The following CCDC171 variants were observed in gnomAD, a reference collection of about 807,000 sequenced individuals.
CCDC171 encodes the protein coiled-coil domain containing 171, also known as coiled-coil domain-containing protein 171.
CCDC171 carries 177 observed loss-of-function variants against 168.2 expected under a neutral mutation model. The observed-to-expected ratio is 1.05, with a 90% CI of 0.93 to 1.19. The LOEUF (loss-of-function observed/expected upper bound fraction) is 1.19, where lower values mean the gene tolerates loss of function less well. Among genes scored for constraint, CCDC171 ranks in the 50% most tolerant of loss-of-function variants. CCDC171 has a pLI of 0.00. For synonymous variants in CCDC171, 687 were observed against 540.8 expected (o/e 1.27, Z -3.75); for missense variants, 1,991 against 1,539.0 (o/e 1.29, Z -4.91).
chr9:16,102,386 G>A, the CCDC171 span, among the ~76,000 whole-genome samples: 1 of 151,488 alleles, frequency 6.6e-6, no homozygotes, highest in Non-Finnish European at 1.5e-5. Context: ...TCAGACGGAT[G>A]TAGTTGCTGG....
intron 25 of CCDC171, among the ~76,000 whole-genome samples, chr9:15,957,602 A>G (rs902238049): frequency 1.3e-5 from 2 of 152,206 alleles, no homozygotes; most frequent in African/African-American, 4.8e-5. Context: ...CCAAGCAGAT[A>G]GACATTCAAC....
chr9:15,789,521 G>A (rs1258763737), intron 21 of CCDC171, among the ~76,000 whole-genome samples: 1 of 152,164 alleles, frequency 6.6e-6, no homozygotes, highest in Non-Finnish European at 1.5e-5. Flanking sequence ...CTGGAAAAAG[G>A]CTTGCCTAAT....
chr9:15,607,173 A>G (rs1257750837), intron 6 of CCDC171, among the ~76,000 whole-genome samples: 1 of 152,168 alleles, frequency 6.6e-6, no homozygotes, highest in Non-Finnish European at 1.5e-5. Context: ...TGCCCAATAT[A>G]ACCCAGCAAT....
rs574683985 is a variant in CCDC171 at position 15,599,555 on chromosome 9, A to G, written c.675+5383A>G. ...ATGGGCTTCCATTTGTGGGTCACCCAACCTTTCTGTCTGGCTGCCCTTAAC... is the reference window on the plus strand; with the variant it reads ...ATGGGCTTCCATTTGTGGGTCACCCGACCTTTCTGTCTGGCTGCCCTTAAC... On this transcript the variant is annotated intron_variant, in intron 6 of 25. Transcript: ENST00000380701. 9.1e-4 allele frequency among the ~76,000 whole-genome samples: 139 copies of G among 152,244 alleles called. 1 individual carries two copies. The highest frequency in any genetic ancestry group is 3.0e-3 in the African/African-American group (125 of 41,552).
intron 11 of CCDC171, among the ~76,000 whole-genome samples, chr9:15,705,687 C>T (rs1588066003): frequency 6.6e-6 from 1 of 152,170 alleles, no homozygotes. Flanking sequence ...CTTTTTTCCC[C>T]CATAGCACCT....
chr9:16,100,199 C>A, the CCDC171 span, among the ~76,000 whole-genome samples: 9 of 152,112 alleles, frequency 5.9e-5, no homozygotes, highest in African/African-American at 1.9e-4. Context: ...TCTTATTGAA[C>A]TAAATTGATT....
chr9:15,563,430 A>T (rs1241505591), intron 1 of CCDC171, among the ~76,000 whole-genome samples: 1 of 151,890 alleles, frequency 6.6e-6, no homozygotes, highest in East Asian at 1.9e-4. Flanking sequence ...GAGCCACCGC[A>T]CCCGGCTCAA....
At chr9:16,096,460 G>A in the CCDC171 span, among the ~76,000 whole-genome samples, 1 of 152,154 alleles carries the variant, frequency 6.6e-6, no homozygotes, top group Non-Finnish European at 1.5e-5. Flanking sequence ...TGACTGCTAT[G>A]TTCGTGAGTT....
chr9:15,652,341 A>C (rs1028768695), intron 7 of CCDC171, among the ~76,000 whole-genome samples: 3 of 152,184 alleles, frequency 2.0e-5, no homozygotes, highest in Admixed American at 6.5e-5. Flanking sequence ...AAATAAATTG[A>C]CCACCCATTC....
intron 18 of CCDC171, among the ~76,000 whole-genome samples, chr9:15,768,970 C>T (rs1473291831): frequency 1.3e-5 from 2 of 152,184 alleles, no homozygotes; most frequent in Middle Eastern, 6.3e-3. Flanking sequence ...TCTGTTTGTA[C>T]AGTCTCACCT....
chr9:15,786,631 C>T (rs2057971892), intron 21 of CCDC171, among the ~76,000 whole-genome samples: 1 of 152,106 alleles, frequency 6.6e-6, no homozygotes, highest in South Asian at 2.1e-4. Flanking sequence ...ACATCTGTGA[C>T]CTGCACATAT....
intron 11 of CCDC171, among the ~76,000 whole-genome samples, chr9:15,703,203 G>T (rs2051912309): frequency 6.6e-6 from 1 of 152,182 alleles, no homozygotes; most frequent in Non-Finnish European, 1.5e-5. Flanking sequence ...ACCACGCCCG[G>T]CCGGGCCTTG....
chr9:15,581,738 C>T (rs1358466112), intron 4 of CCDC171, among the ~76,000 whole-genome samples: 1 of 152,038 alleles, frequency 6.6e-6, no homozygotes, highest in African/African-American at 2.4e-5. Flanking sequence ...ATGCAGAAAG[C>T]TGAAACTGGA....
chr9:15,925,664 A>G (rs994016740), intron 25 of CCDC171, among the ~76,000 whole-genome samples: 5 of 151,640 alleles, frequency 3.3e-5, no homozygotes, highest in South Asian at 2.1e-4. Context: ...AAATGGATCA[A>G]TGGTCTCATT....
chr9:15,977,323 G>A (rs561607765), downstream of CCDC171, among the ~76,000 whole-genome samples: 27 of 152,244 alleles, frequency 1.8e-4, 1 homozygote, highest in South Asian at 5.2e-3. Context: ...CATTTCCATG[G>A]ACGTTGCGAT....
chr9:15,894,384 C>G (rs1820622612), intron 24 of CCDC171, among the ~76,000 whole-genome samples: 1 of 152,048 alleles, frequency 6.6e-6, no homozygotes, highest in Non-Finnish European at 1.5e-5. Context: ...CACACGTTTA[C>G]CTGTGTAACA....
At chr9:15,702,896 G>C (rs1385344315) in intron 11 of CCDC171, among the ~76,000 whole-genome samples, 1 of 137,350 alleles carries the variant, frequency 7.3e-6, no homozygotes, top group African/African-American at 2.6e-5. Context: ...GAGAGTTAGG[G>C]CCTTGGTTTT....
chr9:15,643,010 T>G (rs913398955), intron 7 of CCDC171, among the ~76,000 whole-genome samples: 5 of 152,122 alleles, frequency 3.3e-5, no homozygotes, highest in African/African-American at 1.2e-4. Context: ...TGAGAAAATA[T>G]TTTAAAATTG....
At chr9:15,867,917 C>T (rs539634896) in intron 23 of CCDC171, among the ~76,000 whole-genome samples, 103 of 151,940 alleles carry the variant, frequency 6.8e-4, no homozygotes, top group Non-Finnish European at 8.8e-4. Context: ...AGTATATAGC[C>T]TATGCTACAG....
Sources: gnomAD v4.1 joint callset for allele counts (sites outside exome capture counted in the v4.1 genomes callset) on GRCh38, gnomAD v4.1.1 for gene constraint, MANE v1.5 for transcripts, NCBI Gene and HGNC (gene_info 2026-07-23, HGNC 2026-07-21) for gene names.